Variants in SCAI observed in about 807,000 individuals in gnomAD.
SCAI encodes the protein protein SCAI.
Under a neutral mutation model 92.2 loss-of-function variants are expected in SCAI, and 24 were observed. The observed-to-expected ratio is 0.26, with a 90% confidence interval of 0.19 to 0.37. The LOEUF (loss-of-function observed/expected upper bound fraction) is 0.37, where lower values mean the gene tolerates loss of function less well. SCAI is among the 10% of genes least tolerant of loss of function. The pLI is 1.00. For synonymous variants in SCAI, 261 were observed against 258.6 expected (o/e 1.01, Z -0.09); for missense variants, 450 against 736.2 (o/e 0.61, Z 4.50).
intron 2 of SCAI, among the ~76,000 whole-genome samples, chr9:125,123,028 G>A: frequency 6.6e-6 from 1 of 152,176 alleles, no homozygotes; most frequent in Non-Finnish European, 1.5e-5. Context: ...CCAGCCAGGT[G>A]TTACCTCAAT....
Position 125,137,938 on chromosome 9 carries a change from A to C in SCAI, c.98+4695T>G, listed in dbSNP as rs572626088. On this transcript the variant is annotated intron_variant, in intron 2 of 17. Transcript: ENST00000336505. ...TTTAAAAACTCACGTTTGATTTTAG[A>C]GATACCATGAATCTGAAAACTGAAC... 3.3e-5 allele frequency among the ~76,000 whole-genome samples: 5 copies of C among 152,254 alleles called. No individual in the cohort carries two copies. In the South Asian group the frequency reaches 8.3e-4, roughly 25 times the overall value.
rs989723330 is a variant in SCAI at position 125,114,727 on chromosome 9, T to A, written c.98+27906A>T. ...CTCAAACGATCCTCTCACCTTGGCC[T>A]CTAAGTAGCTGGCGCTACAGGTGCG... On this transcript the variant is annotated intron_variant, in intron 2 of 17. Coordinates refer to ENST00000336505, the MANE Select transcript of SCAI (RefSeq NM_001144877.3). Among the ~76,000 whole-genome samples, 5 of 147,548 alleles carry A rather than the reference T, an allele frequency of 3.4e-5. No homozygotes were observed. The East Asian group carries it at 1.0e-3, about 30-fold the overall frequency.
At chr9:124,994,020 T>A (rs1300220480) in intron 14 of SCAI, among the ~76,000 whole-genome samples, 1 of 151,554 alleles carries the variant, frequency 6.6e-6, no homozygotes, top group African/African-American at 2.4e-5. Context: ...ACCTTTAAAG[T>A]GTTTCACTGC....
chr9:125,112,268 G>A lies in SCAI; in HGVS notation c.98+30365C>T, dbSNP rs532745777. 1.4e-4 allele frequency among the ~76,000 whole-genome samples: 22 copies of A among 151,998 alleles called. 1 individual carries two copies. The South Asian group carries it at 1.9e-3, about 13-fold the overall frequency. On this transcript the variant is annotated intron_variant, in intron 2 of 17. Coordinates refer to ENST00000336505, the MANE Select transcript of SCAI (RefSeq NM_001144877.3). ...AAATATTTCCAAATAATTTAACTGCGTGCCAAGAAAAGTCTCAAGAAATTT... is the reference window on the plus strand; with the variant it reads ...AAATATTTCCAAATAATTTAACTGCATGCCAAGAAAAGTCTCAAGAAATTT...
intron 2 of SCAI, among the ~76,000 whole-genome samples, chr9:125,081,791 T>C (rs1834223681): frequency 6.6e-6 from 1 of 152,034 alleles, no homozygotes; most frequent in Non-Finnish European, 1.5e-5. Context: ...CCCAGGCTGA[T>C]CTTAAAGGCT....
At chr9:125,126,416 TGTGTGTGAGA>T (rs1434626249) in intron 2 of SCAI, among the ~76,000 whole-genome samples, 2 of 151,926 alleles carry the variant, frequency 1.3e-5, no homozygotes, top group African/African-American at 4.8e-5. Flanking sequence ...TGTGTGTGTG[TGTGTGTGAGA>T]GAGAGAGAGA....
At chr9:125,012,128 G>A (rs1265696895) in intron 9 of SCAI, among the ~76,000 whole-genome samples, 14 of 152,060 alleles carry the variant, frequency 9.2e-5, no homozygotes, top group African/African-American at 2.9e-4. Context: ...ATCAACTAAC[G>A]AGCAAAATAA....
chr9:125,121,347 A>G (rs1292691611), intron 2 of SCAI, among the ~76,000 whole-genome samples: 2 of 150,384 alleles, frequency 1.3e-5, no homozygotes, highest in Non-Finnish European at 3.0e-5. Context: ...ATTTAAAAAG[A>G]AAGACAAAGA....
rs1022821902 is a variant in SCAI, at chr9:125,028,462, G to A, written c.343C>T (p.Arg115Trp). 18 of 1,590,014 alleles carry A rather than the reference G, an allele frequency of 1.1e-5. No homozygotes were observed. The highest frequency in any genetic ancestry group is 1.4e-5 in the Non-Finnish European group (16 of 1,169,610). The change falls in exon 5 of 18, where the codon CGG becomes TGG. Residue 115 changes from arginine (R) to tryptophan (W), a missense_variant. This residue lies in a region of SCAI where 360 missense variants were observed against 601.8 expected (regional missense o/e 0.60). Transcript: ENST00000336505. ...ATTTGCCAGCGCTTCAAGCCATACC[G>A]ATTATCCAAGACTTGTCTGTTTTAT... ...QQQHRQVLDN[R>W]YGLKRWQIGE...
intron 2 of SCAI, among the ~76,000 whole-genome samples, chr9:125,061,553 G>GT (rs1468265962): frequency 6.6e-6 from 1 of 152,166 alleles, no homozygotes; most frequent in Non-Finnish European, 1.5e-5. Flanking sequence ...GAGTCCAGAA[G>GT]TTAGAGATCA....
At chr9:125,089,995 G>A (rs139323200) in intron 2 of SCAI, among the ~76,000 whole-genome samples, 1 of 152,312 alleles carries the variant, frequency 6.6e-6, no homozygotes, top group East Asian at 1.9e-4. Flanking sequence ...GTGAAACCTA[G>A]ATCATGTATT....
intron 17 of SCAI, among the ~76,000 whole-genome samples, chr9:124,965,148 T>C (rs1831513832): frequency 1.3e-5 from 2 of 152,206 alleles, no homozygotes; most frequent in African/African-American, 4.8e-5. Context: ...CAGAATTTAA[T>C]TCTCTAGCTG....
At position 125,020,653 on chromosome 9, in the gene SCAI, A is replaced by G. The variant is rs1454763956; in HGVS notation, c.609+20T>C. ...TATACAACTAGAGATTAGAATTTGA[A>G]CTATTTAAAGTGTATTTACCTTTAC... On this transcript the variant is annotated intron_variant, in intron 7 of 17. Transcript: ENST00000336505. The G allele has an allele frequency of 9.5e-7, 1 of 1,056,000 alleles. No individual in the cohort carries two copies. Among genetic ancestry groups the G allele is most frequent in the African/African-American group, 1.6e-5 (1 of 60,882 alleles). 65.4% of individuals were successfully genotyped at this position (1,056,000 alleles called of 1,614,324 possible).
At chr9:125,075,653 G>A (rs982673779) in intron 2 of SCAI, among the ~76,000 whole-genome samples, 2 of 149,542 alleles carry the variant, frequency 1.3e-5, no homozygotes, top group African/African-American at 2.5e-5. Context: ...AACAACCTCC[G>A]CCTCCAGGTT....
chr9:125,041,106 G>C (rs1042113101), intron 3 of SCAI, among the ~76,000 whole-genome samples: 7 of 152,122 alleles, frequency 4.6e-5, no homozygotes, highest in Non-Finnish European at 1.5e-5. Flanking sequence ...TTTCCTACCT[G>C]AAATTTTCAG....
chr9:125,067,510 G>A (rs150641455), intron 2 of SCAI, among the ~76,000 whole-genome samples: 2 of 152,244 alleles, frequency 1.3e-5, no homozygotes, highest in Admixed American at 6.5e-5. Flanking sequence ...GCCAAGGAAC[G>A]CCAAGGATTG....
intron 17 of SCAI, chr9:124,968,889 T>C: frequency 2.0e-6 from 1 of 494,918 alleles, no homozygotes; most frequent in Non-Finnish European, 3.6e-6. Flanking sequence ...GCTATGTAGT[T>C]CATCTGTTTT....
rs1036490551 is a variant in SCAI, at chr9:125,143,450, C to A, written c.-13G>T. ...CTCCTCTGACCATCCGGCTCCTGCTCCGCCGCGGGAGCTGCTCCGGCGGCC... is the reference window on the plus strand; with the variant it reads ...CTCCTCTGACCATCCGGCTCCTGCTACGCCGCGGGAGCTGCTCCGGCGGCC... On this transcript the variant is annotated 5_prime_UTR_variant, in exon 1 of 18. Coordinates refer to ENST00000336505, the MANE Select transcript of SCAI (RefSeq NM_001144877.3). 7.4e-7 allele frequency: 1 copy of A among 1,355,508 alleles called. No homozygotes were observed. Among genetic ancestry groups the A allele is most frequent in the South Asian group, 1.7e-5 (1 of 59,092 alleles). The allele number at this position is 1,355,508 out of a possible 1,614,324, so 84.0% of individuals were successfully genotyped here.
chr9:124,999,002 C>T (rs906501277), intron 13 of SCAI, among the ~76,000 whole-genome samples: 6 of 152,050 alleles, frequency 3.9e-5, no homozygotes, highest in Non-Finnish European at 7.4e-5. Context: ...GCTAATTACT[C>T]TGATCTGATC....
Sources: allele counts gnomAD v4.1 joint callset (sites outside exome capture counted in the v4.1 genomes callset), GRCh38; gene constraint gnomAD v4.1.1; regional missense constraint gnomAD v4.1.1; transcripts MANE v1.5; gene names NCBI Gene and HGNC (gene_info 2026-07-23, HGNC 2026-07-21).